UTP18: variants seen among roughly 807,000 people sequenced by gnomAD.
UTP18 encodes UTP18 small subunit processome component, also known as U3 small nucleolar RNA-associated protein 18 homolog.
A neutral mutation model predicts 61.1 loss-of-function variants in UTP18; 36 were observed. That is an observed-to-expected ratio of 0.59 (90% CI 0.45 to 0.78). UTP18 has a LOEUF of 0.78. UTP18 is among the 30% of genes least tolerant of loss of function. The pLI, the probability that UTP18 is intolerant of heterozygous loss-of-function variation, is 0.00. For synonymous variants in UTP18, 282 were observed against 251.1 expected (o/e 1.12, Z -1.16); for missense variants, 753 against 693.9 (o/e 1.09, Z -0.96).
At position 51,277,297 on chromosome 17, in the gene UTP18, A is replaced by C; in HGVS notation, c.1005A>C (p.Gln335His). ...CTGGAAAGTTAATTCCTGTGCATCA[A>C]GTGAGAGGTAAGATTTCTGTTGAAT... is the stretch of plus-strand genomic sequence containing the variant. ...MLAGKLIPVH[Q>H]VRGLKEKIVR... Residue 335 changes from glutamine to histidine, a missense_variant, in exon 7 of 14, where the codon CAA becomes CAC. Coordinates refer to ENST00000225298, the MANE Select transcript of UTP18 (RefSeq NM_016001.3). 1 of 1,613,938 alleles carries C rather than the reference A, an allele frequency of 6.2e-7. No homozygotes were observed. The highest frequency in any genetic ancestry group is 8.5e-7 in the Non-Finnish European group (1 of 1,179,912).
intron 12 of UTP18, among the ~76,000 whole-genome samples, chr17:51,295,582 C>G (rs867797967): frequency 3.3e-5 from 5 of 151,874 alleles, no homozygotes; most frequent in African/African-American, 4.8e-5. Flanking sequence ...TACCAGTACC[C>G]TGCTGTTTTG....
At chr17:51,274,435 CTTTTG>C (rs1014241553) in intron 5 of UTP18, among the ~76,000 whole-genome samples, 1 of 152,028 alleles carries the variant, frequency 6.6e-6, no homozygotes, top group Non-Finnish European at 1.5e-5. Flanking sequence ...ACATAGATAT[CTTTTG>C]TTTGTTTGTT....
intron 2 of UTP18, among the ~76,000 whole-genome samples, chr17:51,264,095 G>T (rs2055535810): frequency 6.6e-6 from 1 of 151,258 alleles, no homozygotes; most frequent in African/African-American, 2.4e-5. Context: ...GGAGTGCAGT[G>T]GTGCGATCTT....
At chr17:51,269,022 C>G in intron 4 of UTP18, 118 bp downstream of exon 4, 6 of 981,608 alleles carry the variant, frequency 6.1e-6, no homozygotes, top group Non-Finnish European at 9.1e-6. Flanking sequence ...CTCGGTAGCT[C>G]ACGCCTGTCA....
chr17:51,282,684 C>T (rs985698269), intron 9 of UTP18, among the ~76,000 whole-genome samples: 4 of 151,848 alleles, frequency 2.6e-5, no homozygotes, highest in Non-Finnish European at 4.4e-5. Context: ...ATGAATTGGA[C>T]GCAGATATAA....
intron 10 of UTP18, among the ~76,000 whole-genome samples, chr17:51,287,068 G>C (rs773751543): frequency 2.0e-4 from 30 of 147,464 alleles, no homozygotes; most frequent in Non-Finnish European, 3.9e-4. Context: ...CCTCTATATG[G>C]GGCAAGAAAA....
At chr17:51,279,506 G>GT (rs113252326) in intron 7 of UTP18, among the ~76,000 whole-genome samples, 12,082 of 149,044 alleles carry the variant, frequency 0.081, 1,284 homozygotes, top group African/African-American at 0.25. Context: ...TTTGTTTTTT[G>GT]TTTTTGTTTT....
intron 2 of UTP18, among the ~76,000 whole-genome samples, chr17:51,264,300 C>T (rs544986534): frequency 1.3e-5 from 2 of 152,172 alleles, no homozygotes; most frequent in East Asian, 1.9e-4. Flanking sequence ...CCCGTCTCTG[C>T]CTCCCAAAGT....
intron 4 of UTP18, among the ~76,000 whole-genome samples, chr17:51,270,898 T>C (rs910167659): frequency 3.3e-5 from 5 of 152,226 alleles, no homozygotes; most frequent in Non-Finnish European, 5.9e-5. Flanking sequence ...ATTTTGTACA[T>C]GAGAGAGGTT....
At chr17:51,297,398 T>C (rs1905394797) in intron 13 of UTP18, among the ~76,000 whole-genome samples, 1 of 152,226 alleles carries the variant, frequency 6.6e-6, no homozygotes, top group African/African-American at 2.4e-5. Flanking sequence ...AGCAGCTTGC[T>C]CTGTTTCACA....
Position 51,260,736 on chromosome 17 carries a change from C to A in UTP18, c.152C>A (p.Pro51Gln). 1 of 1,589,328 alleles carries A rather than the reference C, an allele frequency of 6.3e-7. No individual in the cohort carries two copies. Among genetic ancestry groups the A allele is most frequent in the Non-Finnish European group, 8.6e-7 (1 of 1,168,852 alleles). ...KPAPSSQRKP[P>Q]ARPSAAAAAI... Reference sequence around the variant, plus strand: ...GCCCCTTCATCCCAGCGGAAACCGCCGGCCCGGCCGAGCGCGGCGGCCGCT... The same window carrying A: ...GCCCCTTCATCCCAGCGGAAACCGCAGGCCCGGCCGAGCGCGGCGGCCGCT... Residue 51 changes from proline to glutamine, a missense_variant, in exon 1 of 14, where the codon CCG becomes CAG. Coordinates refer to ENST00000225298, the MANE Select transcript of UTP18 (RefSeq NM_016001.3).
intron 9 of UTP18, among the ~76,000 whole-genome samples, chr17:51,283,460 G>A (rs1905015771): frequency 1.3e-5 from 2 of 152,068 alleles, no homozygotes; most frequent in Admixed American, 6.6e-5. Flanking sequence ...GAGCCACTGC[G>A]TGTGCACCCT....
At chr17:51,289,371 ATT>A (rs58674308) in intron 11 of UTP18, among the ~76,000 whole-genome samples, 5 of 138,096 alleles carry the variant, frequency 3.6e-5, no homozygotes, top group Non-Finnish European at 4.7e-5. Context: ...TCATTTTTGT[ATT>A]TTTTTTTTTT....
At chr17:51,275,682 TTGCTAGTTGG>T (rs527780669) in intron 5 of UTP18, among the ~76,000 whole-genome samples, 174 bp from the exon 6 acceptor site, 211 of 152,264 alleles carry the variant, frequency 1.4e-3, no homozygotes, top group African/African-American at 4.5e-3. Context: ...GTAAAGTGAC[TTGCTAGTTGG>T]TGCCAGAGCT....
intron 3 of UTP18, among the ~76,000 whole-genome samples, chr17:51,266,795 A>G (rs939018788): frequency 6.6e-6 from 1 of 152,194 alleles, no homozygotes; most frequent in African/African-American, 2.4e-5. Flanking sequence ...GTTTACGGCT[A>G]GTCCATGTTA....
In UTP18 at chr17:51,288,197, C is replaced by A; in HGVS notation, c.1497C>A (p.Val499=). 6.3e-7 allele frequency: 1 copy of A among 1,582,088 alleles called. No individual in the cohort carries two copies. Among genetic ancestry groups the A allele is most frequent in the South Asian group, 1.2e-5 (1 of 84,136 alleles). Residue 499 remains valine, a synonymous_variant, in exon 11 of 14, where the codon GTC becomes GTA. Transcript: ENST00000225298. ...AIASEKMKEA[V]RLVHLPSCTV... Reference sequence around the variant, plus strand: ...CTTCAGAAAAAATGAAAGAAGCAGTCAGATTGGTAAATATTTCATTACCCC... The same window carrying A: ...CTTCAGAAAAAATGAAAGAAGCAGTAAGATTGGTAAATATTTCATTACCCC...
At position 51,296,986 on chromosome 17, in the gene UTP18, C is replaced by CTT. The variant is rs1442254766; in HGVS notation, c.1669_1670insTT (p.Ter557PhefsTer6). ...CCAGGTTGCACCATTACTCAGACTT[C>CTT]TAAAGAGACTATTTGAAGTAAGAAA... On this transcript the variant is annotated frameshift_variant, in exon 13 of 14. Coordinates refer to ENST00000225298, the MANE Select transcript of UTP18 (RefSeq NM_016001.3). LOFTEE classifies it high-confidence loss of function. 1 of 1,605,532 alleles carries CTT rather than the reference C, an allele frequency of 6.2e-7. No individual in the cohort carries two copies. Among genetic ancestry groups the CTT allele is most frequent in the Non-Finnish European group, 8.5e-7 (1 of 1,176,778 alleles).
intron 10 of UTP18, among the ~76,000 whole-genome samples, chr17:51,287,601 G>T (rs1567706164): frequency 6.6e-6 from 1 of 152,130 alleles, no homozygotes; most frequent in African/African-American, 2.4e-5. Context: ...TATGCATGTG[G>T]CCACCCCCAC....
At position 51,260,925 on chromosome 17, in the gene UTP18, G is replaced by T; in HGVS notation, c.341G>T (p.Arg114Met). The change falls in exon 1 of 14, where the codon AGG becomes ATG. Residue 114 changes from arginine (R) to methionine (M), a missense_variant and splice_region_variant. Transcript: ENST00000225298. ...DALLRRLRGP[R>M]VQEHEDSGDS... The stretch of plus-strand genomic sequence containing the variant: ...TTGCTGCGGCGTCTGCGAGGCCCGA[G>T]GGTGAGGGAGGCCGCGGCGCGCGGG... 10 of 1,554,174 alleles carry T rather than the reference G, an allele frequency of 6.4e-6. No homozygotes were observed. Among genetic ancestry groups the T allele is most frequent in the Non-Finnish European group, 8.7e-6 (10 of 1,154,426 alleles).
Sources: allele counts gnomAD v4.1 joint callset (sites outside exome capture counted in the v4.1 genomes callset), GRCh38; gene constraint gnomAD v4.1.1; transcripts MANE v1.5; gene names NCBI Gene and HGNC (gene_info 2026-07-23, HGNC 2026-07-21).